The following RBM33 variants were observed in gnomAD, a reference collection of about 807,000 sequenced individuals.
RBM33 encodes the protein RNA binding motif protein 33.
In RBM33, 28 loss-of-function variants were observed where a neutral mutation model predicts 132.6. That is an observed-to-expected ratio of 0.21 (90% CI 0.16 to 0.29). RBM33 has a LOEUF of 0.29. Among genes scored for constraint, RBM33 ranks in the 10% least tolerant of loss-of-function variants. RBM33 has a pLI of 1.00. For missense variants in RBM33, 1,291 were observed against 1,518.5 expected (o/e 0.85, Z 2.49); for synonymous variants, 634 against 593.0 (o/e 1.07, Z -1.01).
At position 155,665,241 on chromosome 7, in the gene RBM33, A is replaced by G; in HGVS notation, c.110A>G (p.Glu37Gly). 1 of 1,613,826 alleles carries G rather than the reference A, an allele frequency of 6.2e-7. No individual in the cohort carries two copies. The highest frequency in any genetic ancestry group is 8.5e-7 in the Non-Finnish European group (1 of 1,179,754). ...TCGTGGAGAAGAAGAGCTGCTGATG[A>G]GGACTGGGACAGGTACGTGCACCCT... ...ERSWRRRAAD[E>G]DWDSELEDDL... The change falls in exon 2 of 18, where the codon GAG becomes GGG. Residue 37 changes from glutamate (E) to glycine (G), a missense_variant. By Grantham distance (98) the Glu-to-Gly change is moderately conservative. Around this residue, in one of 7 missense-constraint regions of RBM33, gnomAD observed 194 missense variants for 249.8 expected, o/e 0.78. Coordinates refer to ENST00000401878, the MANE Select transcript of RBM33 (RefSeq NM_053043.3).
At chr7:155,673,403 T>TGTGG (rs1491334500) in intron 3 of RBM33, among the ~76,000 whole-genome samples, 28 of 3,560 alleles carry the variant, frequency 7.9e-3, no homozygotes, top group African/African-American at 0.025. Flanking sequence ...TTATATATAT[T>TGTGG]GTGTGTGTGT....
At chr7:155,740,941 G>A (rs1487863150) in intron 12 of RBM33, among the ~76,000 whole-genome samples, 1 of 152,162 alleles carries the variant, frequency 6.6e-6, no homozygotes, top group African/African-American at 2.4e-5. Flanking sequence ...CAGGGTTCTC[G>A]CCTGTCAGTT....
rs563452227 is a variant in RBM33, at chr7:155,673,721, T to TAC, written c.171+814_171+815dup. 2.1e-3 allele frequency among the ~76,000 whole-genome samples: 288 copies of TAC among 139,974 alleles called. 5 individuals are homozygous for TAC. Among genetic ancestry groups the TAC allele is most frequent in the African/African-American group, 6.5e-3 (228 of 35,070 alleles). The allele number at this position is 139,974 out of a possible 152,430, so 91.8% of individuals were successfully genotyped here. Reference sequence around the variant, plus strand: ...ATATACATACACACGTGTATATATATACACACACATATATACATACACACG... The same window carrying TAC: ...ATATACATACACACGTGTATATATATACACACACACATATATACATACACACG... On this transcript the variant is annotated intron_variant, in intron 3 of 17. Coordinates refer to ENST00000401878, the MANE Select transcript of RBM33 (RefSeq NM_053043.3).
chr7:155,757,021 A>G (rs145991795), intron 14 of RBM33, among the ~76,000 whole-genome samples: 1 of 152,340 alleles, frequency 6.6e-6, no homozygotes, highest in Admixed American at 6.5e-5. Flanking sequence ...TGTAGTGTCA[A>G]CCACAGTATG....
rs190301378 is a variant in RBM33, at chr7:155,761,723, A to G, written c.2980-2089A>G. Among the ~76,000 whole-genome samples, 402 of 152,198 alleles carry G rather than the reference A, an allele frequency of 2.6e-3. 2 individuals are homozygous for G. Among genetic ancestry groups the G allele is most frequent in the African/African-American group, 9.5e-3 (395 of 41,530 alleles). ...ATCAATTTTTTGCTGATCTCAAAAT[A>G]CCAACTTTTGGTTTCACAGATTGTC... On this transcript the variant is annotated intron_variant, in intron 14 of 17. Transcript: ENST00000401878.
Position 155,745,758 on chromosome 7 carries a change from C to A in RBM33, c.2979+156C>A. 1 of 730,470 alleles carries A rather than the reference C, an allele frequency of 1.4e-6. No individual in the cohort carries two copies. Among genetic ancestry groups the A allele is most frequent in the Non-Finnish European group, 2.2e-6 (1 of 454,132 alleles). 45.2% of individuals were successfully genotyped at this position (730,470 alleles called of 1,614,324 possible). ...TACTTGAAGTTGGTATAAGAATTGC[C>A]GCTTGACGACAGGCATACATTCTCA... On this transcript the variant is annotated intron_variant, in intron 14 of 17. Coordinates refer to ENST00000401878, the MANE Select transcript of RBM33 (RefSeq NM_053043.3). This position sits in a 1 kb window ranked among gnomAD's most constrained non-coding sequence, Gnocchi z 4.1.
intron 3 of RBM33, among the ~76,000 whole-genome samples, chr7:155,676,156 G>A (rs1436361603): frequency 3.9e-5 from 6 of 152,182 alleles, no homozygotes; most frequent in African/African-American, 7.2e-5. Context: ...CAGATAGCCC[G>A]AGGGAGGCGC....
chr7:155,758,255 A>G (rs1801915702), intron 14 of RBM33, among the ~76,000 whole-genome samples: 1 of 152,198 alleles, frequency 6.6e-6, no homozygotes, highest in African/African-American at 2.4e-5. Context: ...TGCCTTGAAA[A>G]TTTCCATTAT....
At chr7:155,700,653 T>C in intron 5 of RBM33, 120 bp from the exon 6 acceptor site, 1 of 706,738 alleles carries the variant, frequency 1.4e-6, no homozygotes, top group Non-Finnish European at 2.2e-6. Context: ...TAACAGGACA[T>C]TTTGCAGTAT....
At position 155,739,917 on chromosome 7, in the gene RBM33, C is replaced by T; in HGVS notation, c.1940C>T (p.Pro647Leu). The T allele has an allele frequency of 6.4e-7, 1 of 1,551,564 alleles. No individual in the cohort carries two copies. The highest frequency in any genetic ancestry group is 1.2e-5 in the South Asian group (1 of 84,012). Residue 647 changes from proline to leucine, a missense_variant, in exon 12 of 18, where the codon CCT becomes CTT. This residue lies in a region of RBM33 where 841 missense variants were observed against 912.0 expected (regional missense o/e 0.92). Coordinates refer to ENST00000401878, the MANE Select transcript of RBM33 (RefSeq NM_053043.3). Reference protein sequence around the residue: ...HHHHHLSVPPPPLMPMSQPQF... With the variant: ...HHHHHLSVPPLPLMPMSQPQF... ...CACCACCACCTGTCCGTCCCGCCCCCTCCTTTGATGCCGATGTCTCAGCCA... is the reference window on the plus strand; with the variant it reads ...CACCACCACCTGTCCGTCCCGCCCCTTCCTTTGATGCCGATGTCTCAGCCA...
intron 9 of RBM33, among the ~76,000 whole-genome samples, chr7:155,736,133 A>AT (rs1293566914): frequency 1.3e-5 from 2 of 152,176 alleles, no homozygotes; most frequent in African/African-American, 4.8e-5. Context: ...ACTAGTGTTC[A>AT]TTTTGTCTAT....
chr7:155,745,154 A>C lies in RBM33; in HGVS notation c.2531A>C (p.Glu844Ala). The C allele has an allele frequency of 6.2e-7, 1 of 1,607,180 alleles. No homozygotes were observed. The highest frequency in any genetic ancestry group is 8.5e-7 in the Non-Finnish European group (1 of 1,176,478). The change falls in exon 14 of 18, where the codon GAA (glutamate) becomes GCA (alanine). Residue 844 changes from glutamate (E) to alanine (A), a missense_variant. By Grantham distance (107) the Glu-to-Ala change is moderately radical (BLOSUM62 -1). Coordinates refer to ENST00000401878, the MANE Select transcript of RBM33 (RefSeq NM_053043.3). The surrounding 1 kb of genome is among the most constrained non-coding windows in gnomAD (Gnocchi z 4.1). ...GCTCCCCCACCCCCAGCAGAGCAGG[A>C]AGAGCAGGCACTGTCACCATCACCC... ...LYAPPPPAEQ[E>A]EQALSPSPTN...
Position 155,771,164 on chromosome 7 carries a change from T to C in RBM33, c.3376-3395T>C, listed in dbSNP as rs182955775. The stretch of plus-strand genomic sequence containing the variant: ...GAGACAAATTCTAACTTGTGGTTTG[T>C]TCTGGGTGAAGAAAAGTTTTAACTC... On this transcript the variant is annotated intron_variant, in intron 16 of 17. Transcript: ENST00000401878. 3.6e-3 allele frequency among the ~76,000 whole-genome samples: 547 copies of C among 152,330 alleles called. 5 individuals are homozygous for C. The highest frequency in any genetic ancestry group is 6.8e-3 in the Middle Eastern group (2 of 294).
intron 14 of RBM33, among the ~76,000 whole-genome samples, chr7:155,755,881 A>G (rs1801833265): frequency 6.6e-6 from 1 of 152,042 alleles, no homozygotes; most frequent in Admixed American, 6.5e-5. Context: ...CTTAATTCAA[A>G]TAGTGCCTTT....
At chr7:155,768,170 G>T (rs1198344371) in intron 16 of RBM33, among the ~76,000 whole-genome samples, 3 of 152,136 alleles carry the variant, frequency 2.0e-5, no homozygotes, top group African/African-American at 7.2e-5. Context: ...GTGTAGTCTT[G>T]ATCATTTTCT....
At chr7:155,672,753 A>T in intron 2 of RBM33, 114 bp from the exon 3 acceptor site, 1 of 647,922 alleles carries the variant, frequency 1.5e-6, no homozygotes. Flanking sequence ...TCAAAAAAAA[A>T]AAAAAAAAAA....
At chr7:155,699,004 A>G (rs949939266) in intron 5 of RBM33, among the ~76,000 whole-genome samples, 3 of 152,222 alleles carry the variant, frequency 2.0e-5, no homozygotes, top group Non-Finnish European at 4.4e-5. Flanking sequence ...TCTCTAGGGT[A>G]AATATCTAGG....
intron 1 of RBM33, among the ~76,000 whole-genome samples, chr7:155,648,518 C>A (rs1009878376): frequency 2.0e-5 from 3 of 152,078 alleles, no homozygotes; most frequent in African/African-American, 2.4e-5. Context: ...TTTAGTACTT[C>A]AACAGGTAAA....
At chr7:155,734,406 T>C (rs967648992) in intron 9 of RBM33, among the ~76,000 whole-genome samples, 7 of 152,218 alleles carry the variant, frequency 4.6e-5, no homozygotes, top group African/African-American at 1.7e-4. Context: ...AAGAGAGCTA[T>C]CATAACCACA....
Sources: gnomAD v4.1 joint callset for allele counts (sites outside exome capture counted in the v4.1 genomes callset) on GRCh38, gnomAD v4.1.1 for gene constraint, gnomAD v4.1.1 regional missense constraint, Gnocchi (gnomAD v3.1) non-coding constraint, MANE v1.5 for transcripts, NCBI Gene and HGNC (gene_info 2026-07-23, HGNC 2026-07-21) for gene names.